The following RNF144A variants were observed in gnomAD, a reference collection of about 807,000 sequenced individuals.
The protein encoded by RNF144A is E3 ubiquitin-protein ligase RNF144A.
A neutral mutation model predicts 38.7 loss-of-function variants in RNF144A; 11 were observed. The observed-to-expected ratio is 0.28, with a 90% CI of 0.18 to 0.47. RNF144A has a LOEUF of 0.47. RNF144A is among the 20% of genes least tolerant of loss of function. The pLI, the probability that RNF144A is intolerant of heterozygous loss-of-function variation, is 0.99. For missense variants in RNF144A, 316 were observed against 377.2 expected (o/e 0.84, Z 1.34); for synonymous variants, 149 against 143.9 (o/e 1.04, Z -0.25).
intron 3 of RNF144A, among the ~76,000 whole-genome samples, chr2:7,002,459 G>C (rs1670171128): frequency 6.6e-6 from 1 of 152,190 alleles, no homozygotes; most frequent in African/African-American, 2.4e-5. Flanking sequence ...ACTCAGGAAG[G>C]CTTCAGGGGC....
chr2:6,926,995 G>T (rs1370271721), intron 1 of RNF144A, among the ~76,000 whole-genome samples: 1 of 152,042 alleles, frequency 6.6e-6, no homozygotes, highest in Admixed American at 6.6e-5. Flanking sequence ...CACATGGCAG[G>T]GATTCATCTC....
intron 2 of RNF144A, among the ~76,000 whole-genome samples, chr2:6,991,842 A>T (rs1001545586): frequency 2.6e-5 from 4 of 152,200 alleles, no homozygotes; most frequent in Admixed American, 6.5e-5. Context: ...ATGTATATAT[A>T]ATTGTTGTTA....
At chr2:7,071,931 C>G (rs1164347038), downstream of RNF144A, among the ~76,000 whole-genome samples, 2 of 152,220 alleles carry the variant, frequency 1.3e-5, no homozygotes, top group African/African-American at 4.8e-5. Flanking sequence ...AGAAATTCCT[C>G]CTGGAACTCC....
rs1182885300 is a variant in RNF144A, at chr2:7,042,578, G to A, written c.*2818G>A. On this transcript the variant is annotated 3_prime_UTR_variant, in exon 9 of 9. Coordinates refer to ENST00000320892, the MANE Select transcript of RNF144A (RefSeq NM_014746.6). ...CCCAGTGGACCTGTGGCTTCTCTGA[G>A]GCCCTTGAGTAACTGACCACATTTG... 9 of 985,458 alleles carry A rather than the reference G, an allele frequency of 9.1e-6. No individual in the cohort carries two copies. The African/African-American group carries it at 1.2e-4, about 13-fold the overall frequency. 61.0% of individuals were successfully genotyped at this position (985,458 alleles called of 1,614,324 possible). A position where few individuals can be genotyped will look rare whatever the true frequency, so the allele number is the denominator to read the frequency against.
chr2:7,031,728 TC>T (rs545051242), intron 8 of RNF144A, among the ~76,000 whole-genome samples: 177 of 152,332 alleles, frequency 1.2e-3, no homozygotes, highest in Non-Finnish European at 2.1e-3. Context: ...TCCTGGACAA[TC>T]TTAAATGCCG....
At chr2:6,955,444 T>A (rs1444567605) in intron 2 of RNF144A, among the ~76,000 whole-genome samples, 1 of 152,170 alleles carries the variant, frequency 6.6e-6, no homozygotes, top group Non-Finnish European at 1.5e-5. Flanking sequence ...CAGAGACCCG[T>A]GGGGATTCCA....
intron 2 of RNF144A, among the ~76,000 whole-genome samples, chr2:6,995,154 C>T (rs890992323): frequency 3.3e-5 from 5 of 151,986 alleles, no homozygotes; most frequent in African/African-American, 7.3e-5. Context: ...TAAATATTAG[C>T]GCAGTGACAC....
intron 2 of RNF144A, among the ~76,000 whole-genome samples, chr2:6,991,190 A>G (rs539839036): frequency 7.2e-5 from 11 of 152,306 alleles, no homozygotes; most frequent in African/African-American, 2.6e-4. Context: ...TAGCTGGGAA[A>G]CTAGGAGTGT....
At chr2:6,982,008 G>A (rs749107673) in intron 2 of RNF144A, among the ~76,000 whole-genome samples, 13 of 152,154 alleles carry the variant, frequency 8.5e-5, no homozygotes, top group Admixed American at 2.0e-4. Context: ...GAGCGCACAG[G>A]GGAAACTGCC....
chr2:7,075,286 C>G, the RNF144A span, among the ~76,000 whole-genome samples: 218 of 151,590 alleles, frequency 1.4e-3, 1 homozygote, highest in African/African-American at 5.1e-3. Context: ...GAACATCCCC[C>G]CCCCCACACA....
At chr2:7,061,240 C>A (rs1572494675) in intron 6 of RNF144A, among the ~76,000 whole-genome samples, 2 of 152,346 alleles carry the variant, frequency 1.3e-5, no homozygotes, top group Admixed American at 1.3e-4. Context: ...TCACCCCAAA[C>A]TCATTTGTGT....
intron 6 of RNF144A, among the ~76,000 whole-genome samples, chr2:7,055,486 C>CT (rs1361869669): frequency 6.6e-6 from 1 of 152,226 alleles, no homozygotes; most frequent in Non-Finnish European, 1.5e-5. Flanking sequence ...CAAAACCATT[C>CT]TTGACACTGA....
downstream of RNF144A, among the ~76,000 whole-genome samples, chr2:7,069,855 A>G (rs542281546): frequency 2.1e-4 from 32 of 152,344 alleles, no homozygotes; most frequent in South Asian, 6.4e-3. Context: ...TTGGTGAAAT[A>G]GTTAAAAAGT....
At chr2:6,965,561 G>A (rs1053860303) in intron 2 of RNF144A, among the ~76,000 whole-genome samples, 5 of 152,088 alleles carry the variant, frequency 3.3e-5, no homozygotes, top group Non-Finnish European at 7.4e-5. Context: ...CGCAAACAGC[G>A]GGAAGATGGG....
intron 8 of RNF144A, 50 bp from the exon 9 acceptor site, chr2:7,039,579 A>G (rs1672917012): frequency 6.2e-7 from 1 of 1,603,062 alleles, no homozygotes; most frequent in Non-Finnish European, 8.5e-7. Context: ...TAGCTCTGGA[A>G]CCTACAGACC....
downstream of RNF144A, among the ~76,000 whole-genome samples, chr2:7,069,219 C>T (rs1283083276): frequency 1.3e-5 from 2 of 152,220 alleles, no homozygotes; most frequent in African/African-American, 4.8e-5. Context: ...CTCCCATTGC[C>T]TCCCACTGTC....
At chr2:6,923,617 G>A (rs1664681379) in intron 1 of RNF144A, among the ~76,000 whole-genome samples, 1 of 152,202 alleles carries the variant, frequency 6.6e-6, no homozygotes, top group Non-Finnish European at 1.5e-5. Flanking sequence ...GGGTGACTGT[G>A]GAGATGCTCT....
At chr2:6,954,357 A>C (rs1666869772) in intron 2 of RNF144A, among the ~76,000 whole-genome samples, 2 of 152,302 alleles carry the variant, frequency 1.3e-5, no homozygotes, top group East Asian at 3.9e-4. Flanking sequence ...TGTGCACAGA[A>C]AGTAAAAAAA....
chr2:6,982,044 A>G (rs1006281831), intron 2 of RNF144A, among the ~76,000 whole-genome samples: 16 of 152,050 alleles, frequency 1.1e-4, no homozygotes, highest in Admixed American at 9.8e-4. Flanking sequence ...GGATCTCGTG[A>G]GATCTCCCTT....
Sources: allele counts gnomAD v4.1 joint callset (sites outside exome capture counted in the v4.1 genomes callset), GRCh38; gene constraint gnomAD v4.1.1; transcripts MANE v1.5; gene names NCBI Gene and HGNC (gene_info 2026-07-23, HGNC 2026-07-21).